The following VEPH1 variants were observed in gnomAD, a reference collection of about 807,000 sequenced individuals.
VEPH1 encodes the protein ventricular zone-expressed PH domain-containing protein homolog 1.
Under a neutral mutation model 85.2 loss-of-function variants are expected in VEPH1, and 80 were observed. That is an observed-to-expected ratio of 0.94 (90% confidence interval 0.78 to 1.13). The LOEUF is 1.13. Ranked by LOEUF, VEPH1 falls within the 50% of genes most tolerant of loss-of-function variation. The probability of loss-of-function intolerance (pLI) is 0.00; values close to 1 mark genes in which losing one functional copy is unlikely to be tolerated. For synonymous variants in VEPH1, 297 were observed against 348.0 expected, an observed-to-expected ratio of 0.85 and a Z score of 1.63; for missense variants, 955 against 980.5, an observed-to-expected ratio of 0.97 and a Z score of 0.35.
intron 4 of VEPH1, 21 bp from the exon 5 acceptor site, chr3:157,428,509 G>A (rs1470569123): frequency 1.2e-6 from 2 of 1,607,482 alleles, no homozygotes; most frequent in African/African-American, 2.7e-5. Flanking sequence ...AACAATAAAG[G>A]GAATGATGAC....
intron 4 of VEPH1, among the ~76,000 whole-genome samples, chr3:157,442,157 C>G (rs553859416): frequency 6.6e-6 from 1 of 152,110 alleles, no homozygotes; most frequent in Non-Finnish European, 1.5e-5. Context: ...CATTTAGATG[C>G]TTCATTGGAT....
In VEPH1 at chr3:157,363,452, C is replaced by CA; in HGVS notation, c.1646dup (p.Leu549PhefsTer25). The CA allele has an allele frequency of 1.2e-6, 2 of 1,613,634 alleles. No individual in the cohort carries two copies. Among genetic ancestry groups the CA allele is most frequent in the Admixed American group, 1.7e-5 (1 of 59,912 alleles). Reference sequence around the variant, plus strand: ...CTTTGCTGAGGTTTTTTTTTAAGTGCAAGTAGAGCTTATCTTGGTATTCTA... The same window carrying CA: ...CTTTGCTGAGGTTTTTTTTTAAGTGCAAAGTAGAGCTTATCTTGGTATTCTA... On this transcript the variant is annotated frameshift_variant, in exon 9 of 14. Transcript: ENST00000362010. LOFTEE classifies it high-confidence loss of function.
intron 9 of VEPH1, among the ~76,000 whole-genome samples, chr3:157,337,597 T>G (rs1723087073): frequency 6.6e-6 from 1 of 152,212 alleles, no homozygotes; most frequent in African/African-American, 2.4e-5. Context: ...AAGGATGACT[T>G]TCTTTAGTTT....
At chr3:157,448,390 T>A (rs996206393) in intron 4 of VEPH1, among the ~76,000 whole-genome samples, 2 of 152,218 alleles carry the variant, frequency 1.3e-5, no homozygotes, top group Admixed American at 1.3e-4. Context: ...TGAGGCATAT[T>A]TCTTTATTAT....
At chr3:157,400,348 A>C (rs1435547028) in intron 6 of VEPH1, among the ~76,000 whole-genome samples, 2 of 152,154 alleles carry the variant, frequency 1.3e-5, no homozygotes, top group Non-Finnish European at 2.9e-5. Context: ...ACAGAATGCT[A>C]AAGTAAACCC....
At chr3:157,338,362 A>T (rs1723171633) in intron 9 of VEPH1, among the ~76,000 whole-genome samples, 1 of 152,182 alleles carries the variant, frequency 6.6e-6, no homozygotes, top group African/African-American at 2.4e-5. Flanking sequence ...TGACTCCTGC[A>T]CTTCTCTACC....
chr3:157,353,663 A>G (rs1229516246), intron 9 of VEPH1, among the ~76,000 whole-genome samples: 1 of 152,080 alleles, frequency 6.6e-6, no homozygotes, highest in Non-Finnish European at 1.5e-5. Flanking sequence ...ACATACACAT[A>G]TATGTAAATC....
chr3:157,373,216 G>A (rs1418664051), intron 7 of VEPH1, among the ~76,000 whole-genome samples: 2 of 152,128 alleles, frequency 1.3e-5, no homozygotes, highest in East Asian at 3.9e-4. Context: ...ACTCCACTCT[G>A]CACACTTCCT....
chr3:157,406,970 T>C (rs914981983), intron 6 of VEPH1, among the ~76,000 whole-genome samples: 3 of 146,882 alleles, frequency 2.0e-5, no homozygotes, highest in Admixed American at 6.8e-5. Context: ...GATGGAAAGA[T>C]ACATGAATTC....
chr3:157,479,778 G>A (rs1211640984), intron 2 of VEPH1, among the ~76,000 whole-genome samples: 1 of 152,136 alleles, frequency 6.6e-6, no homozygotes, highest in African/African-American at 2.4e-5. Flanking sequence ...TTTAAAGTTA[G>A]AATATTGTTA....
intron 1 of VEPH1, among the ~76,000 whole-genome samples, chr3:157,500,155 G>A (rs1481961134): frequency 6.6e-6 from 1 of 152,162 alleles, no homozygotes; most frequent in Non-Finnish European, 1.5e-5. Context: ...CAACACTCAG[G>A]CAAAAGGTTT....
At chr3:157,395,967 A>C (rs1577557398) in intron 6 of VEPH1, among the ~76,000 whole-genome samples, 1 of 152,300 alleles carries the variant, frequency 6.6e-6, no homozygotes, top group East Asian at 1.9e-4. Flanking sequence ...ATACATGTGC[A>C]GGATGTGCGG....
At chr3:157,423,997 C>T in intron 5 of VEPH1, among the ~76,000 whole-genome samples, 1 of 151,992 alleles carries the variant, frequency 6.6e-6, no homozygotes, top group Non-Finnish European at 1.5e-5. Flanking sequence ...AATTCATATT[C>T]ACTGTGCACA....
chr3:157,436,827 A>G, intron 4 of VEPH1: 1 of 1,333,584 alleles, frequency 7.5e-7, no homozygotes, highest in South Asian at 1.4e-5. Flanking sequence ...GCATTTATTA[A>G]GGACTCTCTG....
intron 12 of VEPH1, among the ~76,000 whole-genome samples, chr3:157,267,870 G>A (rs918586961): frequency 6.6e-6 from 1 of 152,144 alleles, no homozygotes; most frequent in Non-Finnish European, 1.5e-5. Flanking sequence ...AGTGACTTGG[G>A]GGCTTGGTGT....
Position 157,312,032 on chromosome 3 carries a change from C to G in VEPH1, c.2010+1589G>C, listed in dbSNP as rs115022208. Reference sequence around the variant, plus strand: ...CTTCTGATAAATCATGCTCATTTTTCATATTATTAGAATTCTTCATCATTT... The same window carrying G: ...CTTCTGATAAATCATGCTCATTTTTGATATTATTAGAATTCTTCATCATTT... On this transcript the variant is annotated intron_variant, in intron 11 of 13. Transcript: ENST00000362010. Among the ~76,000 whole-genome samples the G allele has an allele frequency of 5.3e-4, 80 of 152,244 alleles. 1 individual carries two copies. Among genetic ancestry groups the G allele is most frequent in the African/African-American group, 1.9e-3 (78 of 41,546 alleles).
At position 157,260,497 on chromosome 3, in the gene VEPH1, T is replaced by C. The variant is rs1167065605; in HGVS notation, c.*637A>G. 1 of 152,222 alleles carries C rather than the reference T, an allele frequency of 6.6e-6. No homozygotes were observed. The highest frequency in any genetic ancestry group is 6.6e-5 in the Admixed American group (1 of 15,266). 9.4% of individuals were successfully genotyped at this position (152,222 alleles called of 1,614,324 possible). On this transcript the variant is annotated 3_prime_UTR_variant, in exon 14 of 14. Transcript: ENST00000362010. ...CCAAGTATCTAAACTGTAGATTATA[T>C]TATATGAACTTAAATGGAATAATTA... is the stretch of plus-strand genomic sequence containing the variant.
chr3:157,476,924 A>G (rs1202859388), intron 2 of VEPH1, among the ~76,000 whole-genome samples: 1 of 152,220 alleles, frequency 6.6e-6, no homozygotes, highest in African/African-American at 2.4e-5. Context: ...AGATCCCTCA[A>G]GAAAGTGCAT....
At chr3:157,286,780 C>T (rs530683928) in intron 11 of VEPH1, 106 bp from the exon 12 acceptor site, 1 of 911,606 alleles carries the variant, frequency 1.1e-6, no homozygotes, top group South Asian at 1.4e-5. Flanking sequence ...AATGCTCAAT[C>T]TCAGTACTAA....
Sources: gnomAD v4.1 joint callset for allele counts (sites outside exome capture counted in the v4.1 genomes callset) on GRCh38, gnomAD v4.1.1 for gene constraint, MANE v1.5 for transcripts, NCBI Gene and HGNC (gene_info 2026-07-23, HGNC 2026-07-21) for gene names.